Variants in ACSM5 observed in about 807,000 individuals in gnomAD.
The protein encoded by ACSM5 is acyl-CoA synthetase medium chain family member 5.
A neutral mutation model predicts 71.6 loss-of-function variants in ACSM5; 56 were observed. That is an observed-to-expected ratio of 0.78 (90% CI 0.63 to 0.98). The LOEUF (loss-of-function observed/expected upper bound fraction) is 0.98, where lower values mean the gene tolerates loss of function less well. Among genes scored for constraint, ACSM5 ranks in the 50% least tolerant of loss-of-function variants. The pLI is 0.00. For synonymous variants in ACSM5, 285 were observed against 281.5 expected, an observed-to-expected ratio of 1.01 and a Z score of -0.12; for missense variants, 723 against 726.0, an observed-to-expected ratio of 1.00 and a Z score of 0.05.
intron 6 of ACSM5, among the ~76,000 whole-genome samples, chr16:20,425,043 A>G (rs1966951540): frequency 6.6e-6 from 1 of 152,198 alleles, no homozygotes; most frequent in Admixed American, 6.5e-5. Context: ...TTAAGTTTTT[A>G]TTGACTATAG....
Position 20,440,464 on chromosome 16 carries a change from C to A in ACSM5, c.*37C>A. On this transcript the variant is annotated 3_prime_UTR_variant, in exon 14 of 14. Transcript: ENST00000331849. The stretch of plus-strand genomic sequence containing the variant: ...GGAAGGCCCCGTAGACCTCCGAAGA[C>A]TCCACAAGAAACTAATGGATCACTG... 6.4e-7 allele frequency: 1 copy of A among 1,563,844 alleles called. No homozygotes were observed. The highest frequency in any genetic ancestry group is 8.8e-7 in the Non-Finnish European group (1 of 1,133,954).
chr16:20,426,218 A>T (rs1001212190), intron 6 of ACSM5, among the ~76,000 whole-genome samples: 5 of 152,230 alleles, frequency 3.3e-5, no homozygotes, highest in Non-Finnish European at 7.3e-5. Flanking sequence ...CATCACCATC[A>T]TTATCCATGT....
At chr16:20,435,422 T>G (rs1967172314) in intron 10 of ACSM5, among the ~76,000 whole-genome samples, 1 of 152,202 alleles carries the variant, frequency 6.6e-6, no homozygotes. Context: ...AGATTTTGTG[T>G]TAGATGTATT....
rs746324974 is a variant in ACSM5, at chr16:20,437,090, C to A, written c.1347C>A (p.Asp449Glu). 1 of 1,614,132 alleles carries A rather than the reference C, an allele frequency of 6.2e-7. No individual in the cohort carries two copies. The highest frequency in any genetic ancestry group is 1.1e-5 in the South Asian group (1 of 91,088). Residue 449 changes from aspartate (D) to glutamate (E), a missense_variant, in exon 11 of 14, where the codon GAC becomes GAA. By Grantham distance (45) the Asp-to-Glu change is conservative. Transcript: ENST00000331849. Reference sequence around the variant, plus strand: ...AGACAGCTGCATCAGAACAAGGGGACTTTTACATCACAGGGGACCGAGCTC... The same window carrying A: ...AGACAGCTGCATCAGAACAAGGGGAATTTTACATCACAGGGGACCGAGCTC... ...PEKTAASEQGDFYITGDRARM... is the reference protein window; with the variant it reads ...PEKTAASEQGEFYITGDRARM...
At chr16:20,431,944 CAA>C (rs747665777) in intron 10 of ACSM5, among the ~76,000 whole-genome samples, 2 of 126,674 alleles carry the variant, frequency 1.6e-5, no homozygotes. Context: ...GACTCCGTAT[CAA>C]AAAAAAAAAA....
chr16:20,418,235 G>A lies in ACSM5; in HGVS notation c.381G>A (p.Glu127=). 6.2e-7 allele frequency: 1 copy of A among 1,612,184 alleles called. No individual in the cohort carries two copies. ...TGCTGGTACTCCCACGGCTCCCGGA[G>A]TGGTGGCTGGTCAGTGTGGCTTGCA... ...RMMLVLPRLP[E]WWLVSVACMR... is the part of the protein sequence containing the mutation. Residue 127 remains glutamate (E), a synonymous_variant, in exon 3 of 14, where the codon GAG becomes GAA. Coordinates refer to ENST00000331849, the MANE Select transcript of ACSM5 (RefSeq NM_017888.3).
At chr16:20,410,595 A>G (rs1353074249) in intron 1 of ACSM5, among the ~76,000 whole-genome samples, 1 of 152,120 alleles carries the variant, frequency 6.6e-6, no homozygotes, top group Non-Finnish European at 1.5e-5. Context: ...TTAGCCACAC[A>G]TGGTGGCTAG....
In ACSM5 at chr16:20,411,575, G is replaced by C; in HGVS notation, c.91G>C (p.Val31Leu). The C allele has an allele frequency of 6.2e-7, 1 of 1,614,202 alleles. No individual in the cohort carries two copies. Among genetic ancestry groups the C allele is most frequent in the Non-Finnish European group, 8.5e-7 (1 of 1,180,044 alleles). The change falls in exon 2 of 14, where the codon GTT becomes CTT. Residue 31 changes from valine to leucine, a missense_variant. Val to Leu is a conservative substitution (Grantham distance 32). Coordinates refer to ENST00000331849, the MANE Select transcript of ACSM5 (RefSeq NM_017888.3). ...TCATGGGAAGCCAGCACCTCTACCT[G>C]TTCCTCAGAAGATCGTGGCCACCTG... ...GSHGKPAPLP[V>L]PQKIVATWEA...
At position 20,439,929 on chromosome 16, in the gene ACSM5, A is replaced by C. The variant is rs373482436; in HGVS notation, c.1656+10A>C. On this transcript the variant is annotated intron_variant, in intron 13 of 13. Coordinates refer to ENST00000331849, the MANE Select transcript of ACSM5 (RefSeq NM_017888.3). ...CAAATACCCCAGGAAGGTAAATATC[A>C]GGGTTTCCAGGGCACAGTGATCTGG... is the stretch of plus-strand genomic sequence containing the variant. 6.2e-7 allele frequency: 1 copy of C among 1,611,810 alleles called. No individual in the cohort carries two copies. The highest frequency in any genetic ancestry group is 1.3e-5 in the African/African-American group (1 of 74,884).
chr16:20,425,140 C>A (rs1186889990), intron 6 of ACSM5, among the ~76,000 whole-genome samples: 4 of 152,220 alleles, frequency 2.6e-5, no homozygotes, highest in African/African-American at 9.6e-5. Context: ...TTTCTCCCAG[C>A]CCCCGACTAC....
Position 20,409,596 on chromosome 16 carries a change from A to C in ACSM5, c.-85A>C, listed in dbSNP as rs979956968. 2.6e-5 allele frequency: 4 copies of C among 152,064 alleles called. No homozygotes were observed. The highest frequency in any genetic ancestry group is 5.9e-5 in the Non-Finnish European group (4 of 68,060). 9.4% of individuals were successfully genotyped at this position (152,064 alleles called of 1,614,324 possible). On this transcript the variant is annotated 5_prime_UTR_variant, in exon 1 of 14. Transcript: ENST00000331849. Reference sequence around the variant, plus strand: ...CTGAGGGAGCTGAGTGTTTACAGCCACTCAGCCCTGCTCTGCTCAGCTGAA... The same window carrying C: ...CTGAGGGAGCTGAGTGTTTACAGCCCCTCAGCCCTGCTCTGCTCAGCTGAA...
rs138754350 is a variant in ACSM5, at chr16:20,439,826, T to C, written c.1563T>C (p.Thr521=). Residue 521 remains threonine (T), a synonymous_variant, in exon 13 of 14, where the codon ACT becomes ACC. Coordinates refer to ENST00000331849, the MANE Select transcript of ACSM5 (RefSeq NM_017888.3). The stretch of plus-strand genomic sequence containing the variant: ...TGGTAAAGGCATTTATAGTCCTTAC[T>C]CCAGCCTACTCCTCTCATGACCCAG... ...GEVVKAFIVL[T]PAYSSHDPEA... is the part of the protein sequence containing the mutation. 3 of 1,605,970 alleles carry C rather than the reference T, an allele frequency of 1.9e-6. No homozygotes were observed. Among genetic ancestry groups the C allele is most frequent in the Non-Finnish European group, 2.6e-6 (3 of 1,173,216 alleles).
chr16:20,416,020 T>G (rs1452510403), intron 2 of ACSM5, among the ~76,000 whole-genome samples: 3 of 152,126 alleles, frequency 2.0e-5, no homozygotes, highest in Non-Finnish European at 2.9e-5. Context: ...TAAATAAATT[T>G]AACCAAAGAA....
chr16:20,415,047 T>G (rs905535239), intron 2 of ACSM5, among the ~76,000 whole-genome samples: 1 of 152,204 alleles, frequency 6.6e-6, no homozygotes, highest in Non-Finnish European at 1.5e-5. Flanking sequence ...GAATAACTTA[T>G]AAGGGATAAG....
chr16:20,411,787 T>C (rs1181537996), intron 2 of ACSM5, 99 bp downstream of exon 2: 99 of 1,311,778 alleles, frequency 7.5e-5, no homozygotes, highest in South Asian at 7.4e-4. Flanking sequence ...ATGAGGAAAT[T>C]TGGACCTGGG....
chr16:20,430,161 T>C (rs1217794518), intron 8 of ACSM5, among the ~76,000 whole-genome samples: 1 of 151,592 alleles, frequency 6.6e-6, no homozygotes, highest in Admixed American at 6.6e-5. Context: ...AATTCATCCA[T>C]GTTACAAAAA....
intron 7 of ACSM5, among the ~76,000 whole-genome samples, chr16:20,428,435 C>T (rs1240972647): frequency 6.6e-6 from 1 of 152,204 alleles, no homozygotes; most frequent in East Asian, 1.9e-4. Context: ...GATGATGGCT[C>T]CATCCTGGGT....
chr16:20,430,104 C>G (rs1053648063), intron 8 of ACSM5, among the ~76,000 whole-genome samples: 2 of 151,974 alleles, frequency 1.3e-5, no homozygotes, highest in African/African-American at 4.8e-5. Context: ...ATAATGTACA[C>G]TACTCAGCTT....
At chr16:20,412,626 A>G (rs1228902181) in intron 2 of ACSM5, among the ~76,000 whole-genome samples, 1 of 152,204 alleles carries the variant, frequency 6.6e-6, no homozygotes, top group East Asian at 1.9e-4. Flanking sequence ...TATTTCAACC[A>G]ATGTGAAGCT....
Sources: gnomAD v4.1 joint callset for allele counts (sites outside exome capture counted in the v4.1 genomes callset) on GRCh38, gnomAD v4.1.1 for gene constraint, MANE v1.5 for transcripts, NCBI Gene and HGNC (gene_info 2026-07-23, HGNC 2026-07-21) for gene names.